The following JARID2 variants were observed in gnomAD, a reference collection of about 807,000 sequenced individuals.
JARID2 encodes the protein jumonji and AT-rich interaction domain containing 2, also known as protein Jumonji.
In JARID2, 21 loss-of-function variants were observed where a neutral mutation model predicts 125.6. The observed-to-expected ratio is 0.17, with a 90% CI of 0.12 to 0.24. JARID2 has a LOEUF of 0.24. Among genes scored for constraint, JARID2 ranks in the 10% least tolerant of loss-of-function variants. The pLI, the probability that JARID2 is intolerant of heterozygous loss-of-function variation, is 1.00. For synonymous variants in JARID2, 736 were observed against 661.6 expected (o/e 1.11, Z -1.73); for missense variants, 1,303 against 1,639.6 (o/e 0.79, Z 3.55).
intron 1 of JARID2, among the ~76,000 whole-genome samples, chr6:15,284,497 T>C (rs1306605151): frequency 2.7e-5 from 4 of 150,938 alleles, no homozygotes; most frequent in Non-Finnish European, 5.9e-5. Context: ...AAATTCCCTT[T>C]TAGTTTTATA....
intron 2 of JARID2, among the ~76,000 whole-genome samples, chr6:15,377,481 G>A (rs972270590): frequency 6.6e-6 from 1 of 151,978 alleles, no homozygotes; most frequent in Non-Finnish European, 1.5e-5. Context: ...GACTATAATG[G>A]TGGTGGTTTT....
intron 5 of JARID2, among the ~76,000 whole-genome samples, 194 bp from the exon 6 acceptor site, chr6:15,487,113 C>G (rs1321477691): frequency 6.6e-6 from 1 of 152,098 alleles, no homozygotes; most frequent in Admixed American, 6.5e-5. Flanking sequence ...TGAGAACGCA[C>G]TTGTTATCAC....
rs141509373 is a variant in JARID2 at position 15,283,512 on chromosome 6, TC to T, written c.45+36929del. Among the ~76,000 whole-genome samples the T allele has an allele frequency of 6.9e-3, 924 of 134,338 alleles. 22 individuals are homozygous for T. Among genetic ancestry groups the T allele is most frequent in the African/African-American group, 0.024 (830 of 35,088 alleles). 88.1% of individuals were successfully genotyped at this position (134,338 alleles called of 152,430 possible). ...TGCACCAGCTACGCCCGGCTAATTT[TC>T]TTGTATTTTTATTAGAGACGGGATT... is the stretch of plus-strand genomic sequence containing the variant. On this transcript the variant is annotated intron_variant, in intron 1 of 17. Transcript: ENST00000341776.
rs536999363 is a variant in JARID2 at position 15,431,333 on chromosome 6, C to T, written c.324-20673C>T. Among the ~76,000 whole-genome samples the T allele has an allele frequency of 2.6e-5, 4 of 152,292 alleles. No homozygotes were observed. In the South Asian group the frequency reaches 6.2e-4, roughly 24 times the overall value. Reference sequence around the variant, plus strand: ...GAAATGATTTAGGAACCCAAATGCACGCTGATGTTTTCCATCAGCTGCGAT... The same window carrying T: ...GAAATGATTTAGGAACCCAAATGCATGCTGATGTTTTCCATCAGCTGCGAT... On this transcript the variant is annotated intron_variant, in intron 3 of 17. Coordinates refer to ENST00000341776, the MANE Select transcript of JARID2 (RefSeq NM_004973.4).
chr6:15,251,729 A>C (rs1255074703), intron 1 of JARID2, among the ~76,000 whole-genome samples: 1 of 149,834 alleles, frequency 6.7e-6, no homozygotes, highest in Admixed American at 6.7e-5. Flanking sequence ...CTGTAATCCC[A>C]GCACTTTGGG....
chr6:15,344,711 G>GA (rs1763190663), intron 1 of JARID2, among the ~76,000 whole-genome samples: 1 of 151,772 alleles, frequency 6.6e-6, no homozygotes, highest in South Asian at 2.1e-4. Flanking sequence ...TTCCACCCAG[G>GA]AAAAAATTTT....
At chr6:15,507,054 G>A in intron 9 of JARID2, 82 bp from the exon 10 acceptor site, 1 of 839,712 alleles carries the variant, frequency 1.2e-6, no homozygotes, top group Non-Finnish European at 2.1e-6. Context: ...AGGCATTCGT[G>A]TCCCAGTTTT....
At chr6:15,490,042 T>G (rs1178138003) in intron 6 of JARID2, among the ~76,000 whole-genome samples, 1 of 152,222 alleles carries the variant, frequency 6.6e-6, no homozygotes, top group Non-Finnish European at 1.5e-5. Context: ...GGCCAACTCC[T>G]TATACCAGGG....
intron 1 of JARID2, among the ~76,000 whole-genome samples, chr6:15,334,973 C>A (rs1014285286): frequency 2.6e-5 from 4 of 152,154 alleles, no homozygotes; most frequent in Admixed American, 2.6e-4. Context: ...GATTATTAAA[C>A]ACTCACCAGC....
chr6:15,392,092 G>T (rs1269655157), intron 2 of JARID2, among the ~76,000 whole-genome samples: 1 of 150,778 alleles, frequency 6.6e-6, no homozygotes, highest in Non-Finnish European at 1.5e-5. Context: ...GTCTGGAGGT[G>T]GCAAAATGTG....
At chr6:15,264,442 C>T (rs140457171) in intron 1 of JARID2, among the ~76,000 whole-genome samples, 162 of 152,234 alleles carry the variant, frequency 1.1e-3, no homozygotes, top group African/African-American at 3.6e-3. Flanking sequence ...TCTCACACTC[C>T]AGTTTTTCTG....
intron 5 of JARID2, among the ~76,000 whole-genome samples, chr6:15,478,097 G>A (rs1769434524): frequency 2.0e-5 from 3 of 152,196 alleles, no homozygotes; most frequent in African/African-American, 7.2e-5. Flanking sequence ...CTTAGTGGGG[G>A]ATATAGGCAC....
chr6:15,272,923 T>A (rs559727184), intron 1 of JARID2, among the ~76,000 whole-genome samples: 4 of 152,252 alleles, frequency 2.6e-5, no homozygotes, highest in African/African-American at 9.6e-5. Context: ...CCATTGGCTC[T>A]TTAAAAATCA....
In JARID2 at chr6:15,415,182, G is replaced by A. The variant is rs538583170; in HGVS notation, c.323+4817G>A. The stretch of plus-strand genomic sequence containing the variant: ...GAGGCAGAAGAATTTTTCCCAGTAC[G>A]GAACAAAATGAAAAGTCTCCCGTGT... On this transcript the variant is annotated intron_variant, in intron 3 of 17. Coordinates refer to ENST00000341776, the MANE Select transcript of JARID2 (RefSeq NM_004973.4). 7.9e-5 allele frequency among the ~76,000 whole-genome samples: 12 copies of A among 152,280 alleles called. No individual in the cohort carries two copies. The South Asian group carries it at 1.2e-3, about 16-fold the overall frequency.
intron 8 of JARID2, among the ~76,000 whole-genome samples, chr6:15,504,069 C>T (rs1770874267): frequency 1.3e-5 from 2 of 152,202 alleles, no homozygotes; most frequent in African/African-American, 4.8e-5. Context: ...AGCTTCTCTC[C>T]TGTGGGATCC....
intron 8 of JARID2, among the ~76,000 whole-genome samples, chr6:15,501,859 T>G (rs543257576): frequency 1.3e-5 from 2 of 152,322 alleles, no homozygotes; most frequent in Non-Finnish European, 2.9e-5. Flanking sequence ...GTAACTGGGC[T>G]GCATGCTTCG....
intron 1 of JARID2, chr6:15,368,800 C>T (rs956533128): frequency 2.9e-5 from 13 of 454,614 alleles, no homozygotes; most frequent in Non-Finnish European, 4.9e-5. Flanking sequence ...TTGAAGCATT[C>T]GTCTTGGAGG....
chr6:15,436,997 CCTT>C (rs1292911127), intron 3 of JARID2, among the ~76,000 whole-genome samples: 1 of 152,026 alleles, frequency 6.6e-6, no homozygotes, highest in Non-Finnish European at 1.5e-5. Flanking sequence ...ATATCCAGGT[CCTT>C]CTTAGAGCCC....
At chr6:15,279,259 G>A (rs1322753) in intron 1 of JARID2, among the ~76,000 whole-genome samples, 67,431 of 151,914 alleles carry the variant, frequency 0.44, 15,549 homozygotes, top group East Asian at 0.56. Flanking sequence ...TAAATTGGTC[G>A]AAGGTTGTGT....
Sources: gnomAD v4.1 joint callset for allele counts (sites outside exome capture counted in the v4.1 genomes callset) on GRCh38, gnomAD v4.1.1 for gene constraint, MANE v1.5 for transcripts, NCBI Gene and HGNC (gene_info 2026-07-23, HGNC 2026-07-21) for gene names.